Variants in DOCK9 observed in about 807,000 individuals in gnomAD.
The protein encoded by DOCK9 is dedicator of cytokinesis protein 9.
In DOCK9, 89 loss-of-function variants were observed where a neutral mutation model predicts 263.3. That is an observed-to-expected ratio of 0.34 (90% CI 0.28 to 0.40). The LOEUF is 0.40. Among genes scored for constraint, DOCK9 ranks in the 10% least tolerant of loss-of-function variants. The pLI, the probability that DOCK9 is intolerant of heterozygous loss-of-function variation, is 1.00. For missense variants in DOCK9, 2,140 were observed against 2,603.4 expected, an observed-to-expected ratio of 0.82 and a Z score of 3.87; for synonymous variants, 976 against 973.1, an observed-to-expected ratio of 1.00 and a Z score of -0.06.
At chr13:98,882,466 T>C (rs1221638066) in intron 23 of DOCK9, among the ~76,000 whole-genome samples, 4 of 152,194 alleles carry the variant, frequency 2.6e-5, no homozygotes, top group African/African-American at 9.7e-5. Flanking sequence ...ATTCCATTTC[T>C]CACATTTCTT....
intron 1 of DOCK9, among the ~76,000 whole-genome samples, chr13:99,039,064 G>A (rs151142112): frequency 2.9e-3 from 442 of 152,260 alleles, no homozygotes; most frequent in South Asian, 0.011. Flanking sequence ...CTGTGCTATT[G>A]CATTTACTAT....
At chr13:99,050,816 G>A (rs578005200) in intron 1 of DOCK9, among the ~76,000 whole-genome samples, 42 of 152,242 alleles carry the variant, frequency 2.8e-4, no homozygotes, top group African/African-American at 7.7e-4. Flanking sequence ...TTAATGTGTC[G>A]TTGCTCTAAA....
chr13:98,977,933 A>G lies in DOCK9; in HGVS notation c.-24T>C. 1 of 1,561,660 alleles carries G rather than the reference A, an allele frequency of 6.4e-7. No individual in the cohort carries two copies. The highest frequency in any genetic ancestry group is 8.7e-7 in the Non-Finnish European group (1 of 1,152,032). ...ATTCTCGGCTGAAAACGCAAGTCAG[A>G]AAGTCTGCAACTGGAACAGCTGCGA... is the stretch of plus-strand genomic sequence containing the variant. On this transcript the variant is annotated 5_prime_UTR_variant, in exon 1 of 53. Coordinates refer to ENST00000682017, the MANE Select transcript of DOCK9 (RefSeq NM_001366683.2).
intron 1 of DOCK9, among the ~76,000 whole-genome samples, chr13:99,052,661 T>C (rs1028480412): frequency 6.6e-6 from 1 of 151,956 alleles, no homozygotes; most frequent in African/African-American, 2.4e-5. Flanking sequence ...AACGCAGTGG[T>C]GCAATCATGG....
chr13:99,073,462 G>A (rs570249791), intron 1 of DOCK9, among the ~76,000 whole-genome samples: 3 of 150,138 alleles, frequency 2.0e-5, no homozygotes, highest in South Asian at 4.2e-4. Flanking sequence ...TTTCGGCCTC[G>A]GGTCGATTTC....
intron 30 of DOCK9, among the ~76,000 whole-genome samples, chr13:98,864,235 C>T (rs575014983): frequency 2.0e-4 from 31 of 152,284 alleles, no homozygotes; most frequent in Non-Finnish European, 3.4e-4. Flanking sequence ...AAGCATCAAA[C>T]CAAACTGGTA....
chr13:99,029,386 T>C (rs1046995187), intron 1 of DOCK9, among the ~76,000 whole-genome samples: 8 of 152,240 alleles, frequency 5.3e-5, no homozygotes, highest in African/African-American at 1.9e-4. Context: ...TTTTTATCTT[T>C]TCAGTTACCT....
Position 98,794,702 on chromosome 13 carries a change from TGAA to T in DOCK9, c.6200_6202del (p.Leu2067del), listed in dbSNP as rs1408855229. The T allele has an allele frequency of 6.2e-7, 1 of 1,613,806 alleles. No homozygotes were observed. The highest frequency in any genetic ancestry group is 8.5e-7 in the Non-Finnish European group (1 of 1,179,878). On this transcript the variant is annotated inframe_deletion, in exon 53 of 53. Transcript: ENST00000682017. The stretch of plus-strand genomic sequence containing the variant: ...AGTCCCACTGATGGCGTTGAAGATG[TGAA>T]GGGAATTCGGTAAGACGCTCGTCTT...
At chr13:98,895,657 T>C (rs1163780663) in intron 15 of DOCK9, among the ~76,000 whole-genome samples, 2 of 147,114 alleles carry the variant, frequency 1.4e-5, no homozygotes, top group Non-Finnish European at 1.5e-5. Flanking sequence ...AGAGTGAGAC[T>C]CCATCTCAAA....
At chr13:98,965,739 C>A (rs1237117645) in intron 1 of DOCK9, among the ~76,000 whole-genome samples, 3 of 152,208 alleles carry the variant, frequency 2.0e-5, no homozygotes, top group Non-Finnish European at 4.4e-5. Context: ...GAGTGTTAAA[C>A]TACAGCAGTT....
intron 7 of DOCK9, 104 bp downstream of exon 7, chr13:98,920,850 A>T: frequency 9.1e-7 from 1 of 1,094,186 alleles, no homozygotes. Context: ...TATTTCTACC[A>T]TGCATATTGC....
chr13:98,866,677 A>G (rs537462485), intron 30 of DOCK9, among the ~76,000 whole-genome samples: 1 of 152,328 alleles, frequency 6.6e-6, no homozygotes, highest in South Asian at 2.1e-4. Flanking sequence ...ATTAATAAAG[A>G]CTCAACATAC....
rs894985589 is a variant in DOCK9, at chr13:99,050,851, G to C, written c.129+35372C>G. 5.9e-5 allele frequency among the ~76,000 whole-genome samples: 9 copies of C among 151,954 alleles called. No individual in the cohort carries two copies. The East Asian group carries it at 1.4e-3, about 23-fold the overall frequency. Reference sequence around the variant, plus strand: ...AACCAGCCTCCACTTCATATACATGGCCCCCCCAGGTGTTGGTAACCCTTG... The same window carrying C: ...AACCAGCCTCCACTTCATATACATGCCCCCCCCAGGTGTTGGTAACCCTTG... On this transcript the variant is annotated intron_variant, in intron 1 of 32. Transcript: ENST00000427887.
intron 38 of DOCK9, among the ~76,000 whole-genome samples, chr13:98,844,413 G>A (rs1241039596): frequency 6.6e-6 from 1 of 151,902 alleles, no homozygotes; most frequent in Non-Finnish European, 1.5e-5. Context: ...ACCCAGGCTG[G>A]AGTGCAGTGG....
chr13:99,016,695 T>G (rs1204780086), intron 1 of DOCK9, among the ~76,000 whole-genome samples: 4 of 152,216 alleles, frequency 2.6e-5, no homozygotes, highest in Non-Finnish European at 5.9e-5. Context: ...GCCATTTTCC[T>G]TCTTCAACAA....
At position 98,888,251 on chromosome 13, in the gene DOCK9, A is replaced by G. The variant is rs773462943; in HGVS notation, c.1978-28T>C. ...GCAGCAATAAACAAAACAGAATAAG[A>G]AAAAACAACAGAAAGTCAGACTATG... is the stretch of plus-strand genomic sequence containing the variant. On this transcript the variant is annotated intron_variant, in intron 17 of 52. Coordinates refer to ENST00000682017, the MANE Select transcript of DOCK9 (RefSeq NM_001366683.2). 3.1e-6 allele frequency: 5 copies of G among 1,604,484 alleles called. No individual in the cohort carries two copies. The African/African-American group carries it at 6.7e-5, about 22-fold the overall frequency.
chr13:98,905,501 T>G (rs758915425), intron 9 of DOCK9, among the ~76,000 whole-genome samples: 6 of 152,056 alleles, frequency 3.9e-5, no homozygotes, highest in Non-Finnish European at 5.9e-5. Flanking sequence ...AAAAGCGCAT[T>G]CTAGGAGAAG....
chr13:98,995,328 C>T (rs1207808964), intron 1 of DOCK9, among the ~76,000 whole-genome samples: 1 of 152,126 alleles, frequency 6.6e-6, no homozygotes, highest in Non-Finnish European at 1.5e-5. Context: ...GCTGACCAGG[C>T]TTTCTACAAG....
chr13:98,856,303 A>G (rs2093705298), intron 33 of DOCK9: 1 of 275,606 alleles, frequency 3.6e-6, no homozygotes, highest in Admixed American at 4.8e-5. Flanking sequence ...CCTGTTTCAG[A>G]ATGTGATAGA....
Sources: allele counts gnomAD v4.1 joint callset (sites outside exome capture counted in the v4.1 genomes callset), GRCh38; gene constraint gnomAD v4.1.1; transcripts MANE v1.5; gene names NCBI Gene and HGNC (gene_info 2026-07-23, HGNC 2026-07-21).